Variants in ADAMTSL1 observed in about 807,000 individuals in gnomAD.
ADAMTSL1 encodes ADAMTS-like protein 1.
Under a neutral mutation model 201.8 loss-of-function variants are expected in ADAMTSL1, and 126 were observed. That is an observed-to-expected ratio of 0.62 (90% CI 0.54 to 0.72). The LOEUF (loss-of-function observed/expected upper bound fraction) is 0.72. Ranked by LOEUF, ADAMTSL1 falls within the 30% of genes least tolerant of loss-of-function variation. The pLI is 0.00. For missense variants in ADAMTSL1, 2,679 were observed against 2,277.8 expected (o/e 1.18, Z -3.59); for synonymous variants, 1,121 against 903.4 (o/e 1.24, Z -4.32).
At chr9:18,798,677 G>C (rs1822582662) in intron 20 of ADAMTSL1, among the ~76,000 whole-genome samples, 1 of 152,146 alleles carries the variant, frequency 6.6e-6, no homozygotes, top group South Asian at 2.1e-4. Flanking sequence ...AAGGGAGATG[G>C]CTTGTGATGA....
chr9:18,350,926 A>T (rs1450103522), intron 2 of ADAMTSL1, among the ~76,000 whole-genome samples: 1 of 152,196 alleles, frequency 6.6e-6, no homozygotes, highest in African/African-American at 2.4e-5. Context: ...ATTTTGTCTG[A>T]GGAGATTTGG....
chr9:18,568,725 G>GTT (rs1822098746), intron 3 of ADAMTSL1, among the ~76,000 whole-genome samples: 2 of 88,640 alleles, frequency 2.3e-5, no homozygotes, highest in Admixed American at 2.8e-4. Flanking sequence ...CAGAAGCATG[G>GTT]ATTTTTTTTT....
In ADAMTSL1 at chr9:18,581,085, A is replaced by G. The variant is rs1227750111; in HGVS notation, c.474+6819A>G. 2.6e-5 allele frequency among the ~76,000 whole-genome samples: 4 copies of G among 152,130 alleles called. No individual in the cohort carries two copies. The East Asian group carries it at 7.7e-4, about 29-fold the overall frequency. On this transcript the variant is annotated intron_variant, in intron 4 of 28. Transcript: ENST00000380548. ...CAAAAATCAAAGTGTCATCAGAACC[A>G]TGCTTTCTCTGAGGCTCTGGGTGGA... is the stretch of plus-strand genomic sequence containing the variant.
At chr9:18,824,984 T>G (rs1360471988) in intron 21 of ADAMTSL1, among the ~76,000 whole-genome samples, 1 of 151,982 alleles carries the variant, frequency 6.6e-6, no homozygotes, top group African/African-American at 2.4e-5. Flanking sequence ...GCATGAGCCA[T>G]CACGCCCGGC....
chr9:18,218,510 G>T lies in ADAMTSL1; in HGVS notation c.207+54529G>T, dbSNP rs149192371. ...GTGAAACAAAAAGTAAACTGATAAA[G>T]TCTTTCTTTGATTACAAAGGATGCT... On this transcript the variant is annotated intron_variant, in intron 2 of 29. Transcript: ENST00000680146. Among the ~76,000 whole-genome samples, 1,365 of 152,238 alleles carry T rather than the reference G, an allele frequency of 9.0e-3. 21 individuals carry two copies. The highest frequency in any genetic ancestry group is 0.031 in the African/African-American group (1,273 of 41,552).
chr9:18,838,373 ACAC>A (rs1825458325), intron 23 of ADAMTSL1, among the ~76,000 whole-genome samples: 1 of 133,478 alleles, frequency 7.5e-6, no homozygotes, highest in Admixed American at 7.2e-5. Flanking sequence ...ACACACACAC[ACAC>A]ACACACACAC....
intron 1 of ADAMTSL1, among the ~76,000 whole-genome samples, chr9:18,039,551 C>G (rs1037166565): frequency 1.3e-5 from 2 of 152,034 alleles, no homozygotes; most frequent in Non-Finnish European, 2.9e-5. Flanking sequence ...TTCTACGGAA[C>G]AAACATTTTT....
intron 21 of ADAMTSL1, among the ~76,000 whole-genome samples, chr9:18,819,858 T>G (rs1161175494): frequency 5.3e-5 from 8 of 152,248 alleles, no homozygotes; most frequent in Admixed American, 4.6e-4. Flanking sequence ...GTGAATTTGC[T>G]GGACAAGGAA....
chr9:18,831,458 G>T (rs1824970513), intron 23 of ADAMTSL1, among the ~76,000 whole-genome samples: 1 of 152,088 alleles, frequency 6.6e-6, no homozygotes, highest in Non-Finnish European at 1.5e-5. Flanking sequence ...AACTCTTTTG[G>T]GTCACTCAGG....
intron 23 of ADAMTSL1, among the ~76,000 whole-genome samples, chr9:18,863,096 G>C (rs1346596958): frequency 1.3e-5 from 2 of 152,098 alleles, no homozygotes; most frequent in Non-Finnish European, 2.9e-5. Context: ...TGTTTAACAC[G>C]GCCAAACTCT....
At chr9:18,829,691 C>G (rs1011484511) in intron 22 of ADAMTSL1, among the ~76,000 whole-genome samples, 152 bp from the exon 23 acceptor site, 1 of 152,134 alleles carries the variant, frequency 6.6e-6, no homozygotes, top group African/African-American at 2.4e-5. Context: ...AGGGACTCCT[C>G]TATAGGAAAA....
At chr9:18,873,245 G>A (rs191968171) in intron 23 of ADAMTSL1, among the ~76,000 whole-genome samples, 388 of 152,202 alleles carry the variant, frequency 2.5e-3, no homozygotes, top group Non-Finnish European at 3.5e-3. Flanking sequence ...CCCACTCTGC[G>A]AGCTTCTGTT....
At chr9:18,339,870 C>T (rs2132957064) in intron 2 of ADAMTSL1, among the ~76,000 whole-genome samples, 1 of 152,284 alleles carries the variant, frequency 6.6e-6, no homozygotes, top group Admixed American at 6.5e-5. Flanking sequence ...CTCTCATTCT[C>T]ATTTTCTGCC....
At chr9:18,361,670 C>G (rs895003792) in intron 2 of ADAMTSL1, among the ~76,000 whole-genome samples, 4 of 152,246 alleles carry the variant, frequency 2.6e-5, no homozygotes, top group African/African-American at 7.2e-5. Context: ...CTATGAGAAG[C>G]AACACCACAC....
At chr9:18,786,664 T>G (rs919938260) in intron 19 of ADAMTSL1, among the ~76,000 whole-genome samples, 2 of 152,184 alleles carry the variant, frequency 1.3e-5, no homozygotes, top group South Asian at 4.1e-4. Flanking sequence ...CATCTCAAAC[T>G]AAGAAGCTTC....
intron 13 of ADAMTSL1, 137 bp from the exon 14 acceptor site, chr9:18,706,610 G>A: frequency 1.2e-6 from 1 of 828,914 alleles, no homozygotes; most frequent in South Asian, 1.8e-5. Flanking sequence ...GCCATCACAG[G>A]ACAGGGTGGA....
chr9:18,823,861 C>T lies in ADAMTSL1; in HGVS notation c.3935-2423C>T, dbSNP rs138220067. Among the ~76,000 whole-genome samples, 7 of 152,202 alleles carry T rather than the reference C, an allele frequency of 4.6e-5. No individual in the cohort carries two copies. The East Asian group carries it at 5.8e-4, about 13-fold the overall frequency. On this transcript the variant is annotated intron_variant, in intron 21 of 28. Coordinates refer to ENST00000380548, the MANE Select transcript of ADAMTSL1 (RefSeq NM_001040272.6). ...ACAATTAGCTGGGCGTGGTGGTGCA[C>T]GCCTGTAATTCCAGCTAACTTGGGA...
chr9:18,471,606 A>G (rs968053406), upstream of ADAMTSL1, among the ~76,000 whole-genome samples: 26 of 152,284 alleles, frequency 1.7e-4, no homozygotes, highest in African/African-American at 5.5e-4. Context: ...AGTTATAGTA[A>G]ATTTGTAATT....
At chr9:18,444,430 C>T (rs1156597376) in intron 2 of ADAMTSL1, among the ~76,000 whole-genome samples, 1 of 152,012 alleles carries the variant, frequency 6.6e-6, no homozygotes, top group African/African-American at 2.4e-5. Flanking sequence ...TTTCTGATTC[C>T]AAAATTCATG....
Sources: gnomAD v4.1 joint callset for allele counts (sites outside exome capture counted in the v4.1 genomes callset) on GRCh38, gnomAD v4.1.1 for gene constraint, MANE v1.5 for transcripts, NCBI Gene and HGNC (gene_info 2026-07-23, HGNC 2026-07-21) for gene names.